The following PLEKHO2 variants were observed in gnomAD, a reference collection of about 807,000 sequenced individuals.
PLEKHO2 encodes the protein pleckstrin homology domain-containing family O member 2.
A neutral mutation model predicts 32.7 loss-of-function variants in PLEKHO2; 20 were observed. The ratio of observed to expected loss-of-function variants is 0.61; its 90% confidence interval spans 0.43 to 0.89. PLEKHO2 has a LOEUF of 0.89. Among genes scored for constraint, PLEKHO2 ranks in the 40% least tolerant of loss-of-function variants. The pLI, the probability that PLEKHO2 is intolerant of heterozygous loss-of-function variation, is 0.00. For missense variants in PLEKHO2, 568 were observed against 621.2 expected (o/e 0.91, Z 0.91); for synonymous variants, 247 against 246.3 (o/e 1.00, Z -0.03).
intron 3 of PLEKHO2, among the ~76,000 whole-genome samples, chr15:64,857,139 C>T (rs538180039): frequency 2.0e-5 from 3 of 152,324 alleles, no homozygotes; most frequent in East Asian, 1.9e-4. Flanking sequence ...TCCTCTCTTC[C>T]CCTCCCACTT....
intron 2 of PLEKHO2, among the ~76,000 whole-genome samples, chr15:64,853,541 G>A (rs367958836): frequency 1.2e-4 from 18 of 152,066 alleles, no homozygotes; most frequent in East Asian, 9.7e-4. Context: ...TGATCTGCCC[G>A]CCTCGGCCTC....
At chr15:64,864,368 A>T (rs2084667177) in intron 5 of PLEKHO2, among the ~76,000 whole-genome samples, 1 of 152,168 alleles carries the variant, frequency 6.6e-6, no homozygotes, top group African/African-American at 2.4e-5. Context: ...GGCAGACGGA[A>T]CAGAGGTCTC....
intron 4 of PLEKHO2, 126 bp from the exon 5 acceptor site, chr15:64,861,351 G>A (rs561098985): frequency 4.6e-6 from 3 of 646,882 alleles, no homozygotes; most frequent in Non-Finnish European, 5.2e-6. Flanking sequence ...CAGAGGCCAG[G>A]GCAGGGAGAT....
rs762808925 is a variant in PLEKHO2 at position 64,865,146 on chromosome 15, G to A, written c.731G>A (p.Ser244Asn). ...VSASSEVSPE[S>N]QEDSETPAEE... The stretch of plus-strand genomic sequence containing the variant: ...GCAAGCTCTGAGGTCTCCCCTGAGA[G>A]CCAAGAGGACTCAGAGACCCCAGCA... Residue 244 changes from serine to asparagine, a missense_variant, in exon 6 of 6, where the codon AGC becomes AAC. Coordinates refer to ENST00000323544, the MANE Select transcript of PLEKHO2 (RefSeq NM_025201.5). 4 of 1,614,126 alleles carry A rather than the reference G, an allele frequency of 2.5e-6. No homozygotes were observed. The East Asian group carries it at 8.9e-5, about 36-fold the overall frequency.
At chr15:64,853,279 C>CTTT (rs540850058) in intron 2 of PLEKHO2, among the ~76,000 whole-genome samples, 3 of 134,762 alleles carry the variant, frequency 2.2e-5, no homozygotes, top group African/African-American at 8.6e-5. Context: ...TTTTCTTTTT[C>CTTT]TTTTTTTTTT....
At chr15:64,861,141 G>A in intron 4 of PLEKHO2, among the ~76,000 whole-genome samples, 1 of 152,232 alleles carries the variant, frequency 6.6e-6, no homozygotes, top group Non-Finnish European at 1.5e-5. Context: ...CAGGTACCAG[G>A]GGAGCATAGG....
intron 3 of PLEKHO2, among the ~76,000 whole-genome samples, chr15:64,855,531 GC>G (rs2084600954): frequency 6.6e-6 from 1 of 152,198 alleles, no homozygotes; most frequent in Non-Finnish European, 1.5e-5. Context: ...GAGGCCTGCA[GC>G]CCCCCAGCTT....
chr15:64,863,010 C>G (rs1291691135), intron 5 of PLEKHO2, among the ~76,000 whole-genome samples: 3 of 148,072 alleles, frequency 2.0e-5, no homozygotes, highest in Non-Finnish European at 3.0e-5. Context: ...GCAATCTCAG[C>G]TCACTGCAAC....
intron 4 of PLEKHO2, among the ~76,000 whole-genome samples, chr15:64,860,701 A>T (rs987305050): frequency 2.0e-5 from 3 of 152,172 alleles, no homozygotes; most frequent in Non-Finnish European, 4.4e-5. Flanking sequence ...CATAGCTCCT[A>T]TGTCGTGTCC....
Position 64,866,345 on chromosome 15 carries a change from A to C in PLEKHO2, c.*457A>C. The C allele has an allele frequency of 2.2e-6, 1 of 457,350 alleles. No individual in the cohort carries two copies. The highest frequency in any genetic ancestry group is 1.5e-5 in the South Asian group (1 of 64,578). 28.3% of individuals were successfully genotyped at this position (457,350 alleles called of 1,614,324 possible). A position where few individuals can be genotyped will look rare whatever the true frequency, so the allele number is the denominator to read the frequency against. ...TCCTAGGCAAAGAGCCTCATGGCTA[A>C]GGCAGCCTCAAAGCCAGCCCCTCCT... On this transcript the variant is annotated 3_prime_UTR_variant, in exon 6 of 6. Coordinates refer to ENST00000323544, the MANE Select transcript of PLEKHO2 (RefSeq NM_025201.5).
At chr15:64,863,774 G>A (rs1056204834) in intron 5 of PLEKHO2, among the ~76,000 whole-genome samples, 5 of 147,462 alleles carry the variant, frequency 3.4e-5, no homozygotes, top group East Asian at 4.1e-4. Context: ...ACGGAGCTTC[G>A]CTCTTGTTGC....
rs1158397901 is a variant in PLEKHO2, at chr15:64,845,381, G to A, written c.13-3212G>A. ...GGTCAGCTGCTCAGTGAGGAGAGGAGGCCGAGAAACTGGGCTGAGCAGGAC... is the reference window on the plus strand; with the variant it reads ...GGTCAGCTGCTCAGTGAGGAGAGGAAGCCGAGAAACTGGGCTGAGCAGGAC... On this transcript the variant is annotated intron_variant, in intron 1 of 5. Coordinates refer to ENST00000323544, the MANE Select transcript of PLEKHO2 (RefSeq NM_025201.5). Among the ~76,000 whole-genome samples, 4 of 152,140 alleles carry A rather than the reference G, an allele frequency of 2.6e-5. No homozygotes were observed. In the East Asian group the frequency reaches 7.7e-4, roughly 29 times the overall value.
chr15:64,855,338 G>T (rs931222215), intron 3 of PLEKHO2, among the ~76,000 whole-genome samples: 7 of 152,196 alleles, frequency 4.6e-5, no homozygotes, highest in Non-Finnish European at 5.9e-5. Flanking sequence ...CCTTTGGGAG[G>T]TGGGGCACTT....
intron 1 of PLEKHO2, among the ~76,000 whole-genome samples, chr15:64,842,634 C>T (rs1249319973): frequency 6.6e-6 from 1 of 152,146 alleles, no homozygotes. Context: ...TCTCCCCGCT[C>T]CACATCCATC....
chr15:64,867,953 C>G lies in PLEKHO2; in HGVS notation c.*2065C>G, dbSNP rs967711744. The G allele has an allele frequency of 6.6e-6, 1 of 152,142 alleles. No homozygotes were observed. Among genetic ancestry groups the G allele is most frequent in the Non-Finnish European group, 1.5e-5 (1 of 68,028 alleles). The allele number at this position is 152,142 out of a possible 1,614,324, so 9.4% of individuals were successfully genotyped here. A position where few individuals can be genotyped will look rare whatever the true frequency, so the allele number is the denominator to read the frequency against. On this transcript the variant is annotated 3_prime_UTR_variant, in exon 6 of 6. Transcript: ENST00000323544. Reference sequence around the variant, plus strand: ...GGAGGGTGGCATTCTGTGTCTTCTGCTTATGAAGCGCCTTTCTTAAAGTTT... The same window carrying G: ...GGAGGGTGGCATTCTGTGTCTTCTGGTTATGAAGCGCCTTTCTTAAAGTTT...
At chr15:64,848,927 G>A (rs946306992) in intron 2 of PLEKHO2, among the ~76,000 whole-genome samples, 185 bp downstream of exon 2, 15 of 152,062 alleles carry the variant, frequency 9.9e-5, no homozygotes, top group African/African-American at 3.4e-4. Flanking sequence ...ATACCTCCGA[G>A]GACAAATCTA....
chr15:64,859,450 C>A (rs907239426), intron 3 of PLEKHO2, among the ~76,000 whole-genome samples: 1 of 152,124 alleles, frequency 6.6e-6, no homozygotes, highest in Non-Finnish European at 1.5e-5. Flanking sequence ...TCCTGTCTGG[C>A]CATTGGGCCT....
intron 1 of PLEKHO2, among the ~76,000 whole-genome samples, chr15:64,843,838 C>T (rs989915824): frequency 6.6e-6 from 1 of 152,080 alleles, no homozygotes; most frequent in East Asian, 1.9e-4. Context: ...CCTCGGCCTC[C>T]GAAAGTGTTG....
intron 1 of PLEKHO2, among the ~76,000 whole-genome samples, chr15:64,848,303 CAT>C (rs1208993574): frequency 1.3e-5 from 2 of 152,176 alleles, no homozygotes; most frequent in African/African-American, 2.4e-5. Flanking sequence ...TTTGCTATGA[CAT>C]GTGGATAATG....
Sources: gnomAD v4.1 joint callset for allele counts (sites outside exome capture counted in the v4.1 genomes callset) on GRCh38, gnomAD v4.1.1 for gene constraint, MANE v1.5 for transcripts, NCBI Gene and HGNC (gene_info 2026-07-23, HGNC 2026-07-21) for gene names.